ECSIT: variants seen among roughly 807,000 people sequenced by gnomAD.
The protein encoded by ECSIT is ECSIT signaling integrator, also known as evolutionarily conserved signaling intermediate in Toll pathway, mitochondrial.
A neutral mutation model predicts 36.8 loss-of-function variants in ECSIT; 29 were observed. The observed-to-expected ratio is 0.79, with a 90% CI of 0.59 to 1.08. The LOEUF is 1.08. Ranked by LOEUF, ECSIT falls within the 50% of genes least tolerant of loss-of-function variation. ECSIT has a pLI of 0.00. For synonymous variants in ECSIT, 231 were observed against 234.8 expected, an observed-to-expected ratio of 0.98 and a Z score of 0.15; for missense variants, 542 against 581.0, an observed-to-expected ratio of 0.93 and a Z score of 0.69.
At chr19:11,510,207 G>C (rs1251484568) in intron 4 of ECSIT, among the ~76,000 whole-genome samples, 1 of 151,372 alleles carries the variant, frequency 6.6e-6, no homozygotes, top group East Asian at 2.0e-4. Context: ...ACAGGATCTT[G>C]CTCTGTCACC....
chr19:11,516,258 G>A (rs1971995978), intron 2 of ECSIT: 1 of 152,038 alleles, frequency 6.6e-6, no homozygotes, highest in African/African-American at 2.4e-5. Flanking sequence ...GTGCACAACA[G>A]CCCAGAACTC....
At chr19:11,523,659 C>G (rs1361096505) in intron 1 of ECSIT, 1 of 772,906 alleles carries the variant, frequency 1.3e-6, no homozygotes, top group Non-Finnish European at 2.3e-6. Flanking sequence ...ACCAAATCAA[C>G]TTAATTAAGG....
At chr19:11,506,463 G>A in intron 7 of ECSIT, 35 bp from the exon 8 acceptor site, 2 of 1,583,352 alleles carry the variant, frequency 1.3e-6, no homozygotes, top group Non-Finnish European at 1.7e-6. Context: ...GGTTTGCACA[G>A]TGGGGGCTGC....
chr19:11,524,394 C>G (rs1188506689), intron 1 of ECSIT, among the ~76,000 whole-genome samples: 1 of 152,046 alleles, frequency 6.6e-6, no homozygotes, highest in African/African-American at 2.4e-5. Context: ...TGGTGGCAGG[C>G]GCCTGTAGTC....
intron 1 of ECSIT, among the ~76,000 whole-genome samples, chr19:11,520,900 G>T (rs1002110219): frequency 2.6e-5 from 4 of 151,424 alleles, no homozygotes; most frequent in African/African-American, 9.7e-5. Context: ...CTGCCTCCCG[G>T]GTTCAAGTGA....
rs1242419382 is a variant in ECSIT at position 11,513,105 on chromosome 19, C to G, written c.689G>C (p.Gly230Ala). The change falls in exon 4 of 8, where the codon GGC (glycine) becomes GCC (alanine). Residue 230 changes from glycine (G) to alanine (A), a missense_variant. Coordinates refer to ENST00000270517, the MANE Select transcript of ECSIT (RefSeq NM_016581.5). The part of the protein sequence containing the change: ...PQDPVELAMF[G>A]LRHMEPDLSA... ...AAGGTCAGGCTCCATGTGCCGCAGG[C>G]CAAACATGGCCAGCTCCACAGGGTC... 1 of 1,614,194 alleles carries G rather than the reference C, an allele frequency of 6.2e-7. No homozygotes were observed. Among genetic ancestry groups the G allele is most frequent in the Non-Finnish European group, 8.5e-7 (1 of 1,180,028 alleles).
chr19:11,508,719 A>AT (rs1236938141), intron 4 of ECSIT, among the ~76,000 whole-genome samples: 14 of 151,848 alleles, frequency 9.2e-5, no homozygotes, highest in Non-Finnish European at 1.8e-4. Context: ...TGCCCGGCTA[A>AT]TTTTTTGTAT....
At chr19:11,525,236 C>T (rs1049502428) in intron 1 of ECSIT, among the ~76,000 whole-genome samples, 4 of 152,094 alleles carry the variant, frequency 2.6e-5, no homozygotes, top group Admixed American at 1.3e-4. Flanking sequence ...GGGCCAGGCT[C>T]GGTGGCTCAT....
At position 11,513,199 on chromosome 19, in the gene ECSIT, G is replaced by A. The variant is rs373672064; in HGVS notation, c.595C>T (p.Arg199Cys). The change falls in exon 4 of 8, where the codon CGC (arginine) becomes TGC (cysteine). Residue 199 changes from arginine (R) to cysteine (C), a missense_variant. Physicochemically the swap from Arg to Cys is radical, Grantham distance 180 (BLOSUM62 -3). Transcript: ENST00000270517. The part of the protein sequence containing the change: ...RKSYPMLKLV[R>C]LKLWFPRFMN... ...AATCGAGGGAACCACAGCTTCAGGCGCACCAACTTGAGCATGGGGTAGCTT... is the reference window on the plus strand; with the variant it reads ...AATCGAGGGAACCACAGCTTCAGGCACACCAACTTGAGCATGGGGTAGCTT... The A allele has an allele frequency of 1.5e-5, 25 of 1,614,156 alleles. No individual in the cohort carries two copies. The highest frequency in any genetic ancestry group is 2.0e-5 in the Non-Finnish European group (24 of 1,180,036).
At position 11,519,100 on chromosome 19, in the gene ECSIT, G is replaced by A. The variant is rs767329702; in HGVS notation, c.71C>T (p.Ala24Val). ...CRAWGGTCGA[A>V]LTGTSISQVP... ...CTGAGAGATGGAGGTTCCTGTGAGGGCGGCCCCGCAGGTGCCTCCCCAGGC... is the reference window on the plus strand; with the variant it reads ...CTGAGAGATGGAGGTTCCTGTGAGGACGGCCCCGCAGGTGCCTCCCCAGGC... Residue 24 changes from alanine (A) to valine (V), a missense_variant, in exon 2 of 8, where the codon GCC (alanine) becomes GTC (valine). Coordinates refer to ENST00000270517, the MANE Select transcript of ECSIT (RefSeq NM_016581.5). The surrounding 1 kb of genome is among the most constrained non-coding windows in gnomAD (Gnocchi z 4.4). 1.3e-6 allele frequency: 2 copies of A among 1,551,340 alleles called. No individual in the cohort carries two copies. Among genetic ancestry groups the A allele is most frequent in the South Asian group, 1.2e-5 (1 of 84,038 alleles).
chr19:11,514,869 C>T (rs1204580661), intron 2 of ECSIT, among the ~76,000 whole-genome samples: 2 of 148,138 alleles, frequency 1.4e-5, no homozygotes, highest in African/African-American at 2.5e-5. Context: ...GACAGAGTCT[C>T]ATTCTGTCAC....
In ECSIT at chr19:11,507,984, GA is replaced by G; in HGVS notation, c.796+6del. 1 of 1,614,028 alleles carries G rather than the reference GA, an allele frequency of 6.2e-7. No individual in the cohort carries two copies. On this transcript the variant is annotated splice_donor_region_variant and intron_variant, in intron 5 of 7. Coordinates refer to ENST00000270517, the MANE Select transcript of ECSIT (RefSeq NM_016581.5). Reference sequence around the variant, plus strand: ...AGACTTGGCTGCCCCCATGCTCTCGGACTTACCTACGATGTGGGGCTGGGGG... The same window carrying G: ...AGACTTGGCTGCCCCCATGCTCTCGGCTTACCTACGATGTGGGGCTGGGGG...
At position 11,507,786 on chromosome 19, in the gene ECSIT, A is replaced by G. The variant is rs1418682409; in HGVS notation, c.861T>C (p.Val287=). 6.2e-7 allele frequency: 1 copy of G among 1,614,124 alleles called. No homozygotes were observed. Among genetic ancestry groups the G allele is most frequent in the Admixed American group, 1.7e-5 (1 of 60,024 alleles). The change falls in exon 6 of 8, where the codon GTT becomes GTC. Residue 287 remains valine (V), a synonymous_variant. Transcript: ENST00000270517. ...GGAGCCACAGGGAGAAGGGGCCCTC[A>G]ACAAAGACAGGCCGGGCTGGATTGT... The part of the protein sequence containing the change: ...ARHNPARPVF[V]EGPFSLWLRN...
At chr19:11,528,941 A>T (rs1469279722) in intron 1 of ECSIT, 121 bp downstream of exon 1, 1 of 152,266 alleles carries the variant, frequency 6.6e-6, no homozygotes, top group Non-Finnish European at 1.5e-5. Context: ...CCACTACGAA[A>T]GGTCATGGCG....
In ECSIT at chr19:11,513,860, T is replaced by G. The variant is rs537928683; in HGVS notation, c.458A>C (p.His153Pro). The G allele has an allele frequency of 1.2e-6, 2 of 1,614,070 alleles. No individual in the cohort carries two copies. Among genetic ancestry groups the G allele is most frequent in the South Asian group, 2.2e-5 (2 of 91,076 alleles). The change falls in exon 3 of 8, where the codon CAC becomes CCC. Residue 153 changes from histidine to proline, a missense_variant. Physicochemically the swap from His to Pro is moderately conservative, Grantham distance 77. Transcript: ENST00000270517. ...PRNIIQRIFV[H>P]YPRQQECGIA... ...CCCACACTCCTGCTGCCGAGGGTAGTGGACGAAGATGCGCTGGATGATGTT... is the reference window on the plus strand; with the variant it reads ...CCCACACTCCTGCTGCCGAGGGTAGGGGACGAAGATGCGCTGGATGATGTT...
intron 1 of ECSIT, among the ~76,000 whole-genome samples, chr19:11,526,094 A>G (rs1171941854): frequency 6.6e-6 from 1 of 151,904 alleles, no homozygotes; most frequent in Non-Finnish European, 1.5e-5. Context: ...CCTCCCGAGT[A>G]GCTGGGATTA....
intron 4 of ECSIT, among the ~76,000 whole-genome samples, chr19:11,509,731 G>C (rs1398885785): frequency 6.6e-6 from 1 of 151,754 alleles, no homozygotes; most frequent in Admixed American, 6.6e-5. Context: ...TTGTGCCACT[G>C]CACTCCAGCA....
chr19:11,507,803 C>A lies in ECSIT; in HGVS notation c.844G>T (p.Ala282Ser). The change falls in exon 6 of 8, where the codon GCC becomes TCC. Residue 282 changes from alanine (A) to serine (S), a missense_variant. Ala to Ser is a moderately conservative substitution (Grantham distance 99). Coordinates refer to ENST00000270517, the MANE Select transcript of ECSIT (RefSeq NM_016581.5). ...GGGCCCTCAACAAAGACAGGCCGGG[C>A]TGGATTGTGGCGGGCCAGGGCGGCC... ...QQAALARHNP[A>S]RPVFVEGPFS... 1 of 1,614,092 alleles carries A rather than the reference C, an allele frequency of 6.2e-7. No homozygotes were observed. The highest frequency in any genetic ancestry group is 2.2e-5 in the East Asian group (1 of 44,884).
rs775716908 is a variant in ECSIT, at chr19:11,506,427, C to T, written c.1053G>A (p.Val351=). 1.2e-6 allele frequency: 2 copies of T among 1,610,320 alleles called. No individual in the cohort carries two copies. Among genetic ancestry groups the T allele is most frequent in the African/African-American group, 2.7e-5 (2 of 74,898 alleles). ...ACATGGCGAAGACAGGGCCTTCCTC[C>T]ACTGTTGGAAGACATGCACCCTTAA... is the stretch of plus-strand genomic sequence containing the variant. ...WDNYEFDINE[V]EEGPVFAMCM... Residue 351 remains valine (V), a splice_region_variant and synonymous_variant, in exon 8 of 8, where the codon GTG becomes GTA. Transcript: ENST00000270517.
Sources: gnomAD v4.1 joint callset for allele counts (sites outside exome capture counted in the v4.1 genomes callset) on GRCh38, gnomAD v4.1.1 for gene constraint, Gnocchi (gnomAD v3.1) non-coding constraint, MANE v1.5 for transcripts, NCBI Gene and HGNC (gene_info 2026-07-23, HGNC 2026-07-21) for gene names.